Variants in NCOA2 observed in about 807,000 individuals in gnomAD.
NCOA2 encodes nuclear receptor coactivator 2.
In NCOA2, 21 loss-of-function variants were observed where a neutral mutation model predicts 145.1. That is an observed-to-expected ratio of 0.14 (90% confidence interval 0.10 to 0.21). The LOEUF is 0.21. Among genes scored for constraint, NCOA2 ranks in the 10% least tolerant of loss-of-function variants. NCOA2 has a pLI of 1.00. For missense variants in NCOA2, 1,472 were observed against 1,837.6 expected, an observed-to-expected ratio of 0.80 and a Z score of 3.64; for synonymous variants, 619 against 637.5, an observed-to-expected ratio of 0.97 and a Z score of 0.44.
At chr8:70,453,868 C>T in the NCOA2 span, among the ~76,000 whole-genome samples, 4 of 152,162 alleles carry the variant, frequency 2.6e-5, no homozygotes, top group Non-Finnish European at 4.4e-5. Flanking sequence ...CTTTAAACAA[C>T]ATATGAGCAT....
chr8:70,130,546 C>CTTAAT (rs60499366), intron 16 of NCOA2, among the ~76,000 whole-genome samples: 20,433 of 152,038 alleles, frequency 0.13, 2,406 homozygotes, highest in African/African-American at 0.32. Flanking sequence ...ATTTTCCTTT[C>CTTAAT]TTATTTCAGG....
the NCOA2 span, among the ~76,000 whole-genome samples, chr8:70,442,154 A>AGAAG: frequency 7.0e-6 from 1 of 142,866 alleles, no homozygotes; most frequent in African/African-American, 2.9e-5. Flanking sequence ...AAAGAAAGAA[A>AGAAG]GAAAGAAAGA....
At chr8:70,192,485 G>A (rs1340656220) in intron 4 of NCOA2, among the ~76,000 whole-genome samples, 1 of 152,218 alleles carries the variant, frequency 6.6e-6, no homozygotes, top group Admixed American at 6.5e-5. Context: ...GCATACACCT[G>A]TGACTGGACA....
chr8:70,368,255 G>C (rs115400858), intron 1 of NCOA2, among the ~76,000 whole-genome samples: 1 of 152,224 alleles, frequency 6.6e-6, no homozygotes, highest in Admixed American at 6.5e-5. Context: ...AGTGTCACAA[G>C]TGCTGGCTAG....
intron 2 of NCOA2, among the ~76,000 whole-genome samples, chr8:70,247,415 A>G (rs1822722362): frequency 6.6e-6 from 1 of 152,142 alleles, no homozygotes; most frequent in African/African-American, 2.4e-5. Context: ...TAAAAGTTAT[A>G]ATGATTTTTA....
chr8:70,222,039 A>G (rs188885875), intron 2 of NCOA2, among the ~76,000 whole-genome samples: 1 of 152,262 alleles, frequency 6.6e-6, no homozygotes, highest in East Asian at 1.9e-4. Context: ...TGGTTTTCAT[A>G]CAGTAAAATT....
chr8:70,197,586 G>A (rs1328588337), intron 4 of NCOA2, among the ~76,000 whole-genome samples: 1 of 152,190 alleles, frequency 6.6e-6, no homozygotes, highest in Admixed American at 6.5e-5. Context: ...GAACATAGAA[G>A]ATATCTGGCC....
intron 4 of NCOA2, among the ~76,000 whole-genome samples, chr8:70,175,276 A>T (rs1814700671): frequency 6.6e-6 from 1 of 152,230 alleles, no homozygotes; most frequent in African/African-American, 2.4e-5. Context: ...ACATTTGAAG[A>T]AGTAACAAGG....
At chr8:70,247,136 C>G (rs1822698022) in intron 2 of NCOA2, among the ~76,000 whole-genome samples, 1 of 152,106 alleles carries the variant, frequency 6.6e-6, no homozygotes, top group African/African-American at 2.4e-5. Flanking sequence ...TACTAATTCT[C>G]TTTAAGTCAC....
At chr8:70,316,384 C>T (rs561595101) in intron 1 of NCOA2, among the ~76,000 whole-genome samples, 1 of 152,298 alleles carries the variant, frequency 6.6e-6, no homozygotes, top group South Asian at 2.1e-4. Context: ...TCCAAGAAGC[C>T]AGACACCTTC....
In NCOA2 at chr8:70,130,304, T is replaced by C. The variant is rs550759285; in HGVS notation, c.3325-1324A>G. 3.3e-5 allele frequency among the ~76,000 whole-genome samples: 5 copies of C among 152,340 alleles called. No individual in the cohort carries two copies. In the East Asian group the frequency reaches 9.6e-4, roughly 29 times the overall value. The stretch of plus-strand genomic sequence containing the variant: ...CAGTTTCATGACAATATTATAATGA[T>C]GGTGGATTTGATGAGACAAAATAGA... On this transcript the variant is annotated intron_variant, in intron 16 of 22. Transcript: ENST00000452400.
At chr8:70,321,792 C>CT (rs1563762022) in intron 1 of NCOA2, among the ~76,000 whole-genome samples, 6 of 97,524 alleles carry the variant, frequency 6.2e-5, no homozygotes, top group African/African-American at 8.6e-5. Flanking sequence ...TCAGAATATA[C>CT]CTTTTTTTTT....
At chr8:70,199,523 ATGGGAAGAAGAGC>A (rs1817677349) in intron 4 of NCOA2, among the ~76,000 whole-genome samples, 1 of 151,768 alleles carries the variant, frequency 6.6e-6, no homozygotes, top group African/African-American at 2.4e-5. Flanking sequence ...AGGCAGGCAG[ATGGGAAGAAGAGC>A]TGCCACCTCT....
At chr8:70,120,212 G>A (rs1298147152) in intron 22 of NCOA2, among the ~76,000 whole-genome samples, 1 of 152,150 alleles carries the variant, frequency 6.6e-6, no homozygotes, top group Non-Finnish European at 1.5e-5. Flanking sequence ...TTAACAGGTT[G>A]TATGGGATAG....
At chr8:70,412,731 A>T in the NCOA2 span, among the ~76,000 whole-genome samples, 8 of 151,708 alleles carry the variant, frequency 5.3e-5, no homozygotes, top group Non-Finnish European at 2.9e-5. Flanking sequence ...TATTGCTAGT[A>T]TGTAAAAATT....
chr8:70,127,386 G>T (rs1177937650), intron 18 of NCOA2, among the ~76,000 whole-genome samples: 1 of 152,194 alleles, frequency 6.6e-6, no homozygotes, highest in Non-Finnish European at 1.5e-5. Flanking sequence ...AAACCCTGAG[G>T]ATGGTAGTTT....
At chr8:70,395,648 A>G (rs1435407519) in intron 1 of NCOA2, among the ~76,000 whole-genome samples, 1 of 152,038 alleles carries the variant, frequency 6.6e-6, no homozygotes, top group Admixed American at 6.5e-5. Context: ...GACAAATGCT[A>G]CTACAATACC....
the NCOA2 span, among the ~76,000 whole-genome samples, chr8:70,436,839 G>C: frequency 6.6e-6 from 1 of 152,154 alleles, no homozygotes; most frequent in Non-Finnish European, 1.5e-5. Context: ...GACGACACAG[G>C]TATGACCACC....
chr8:70,267,882 C>T (rs1261043898), intron 2 of NCOA2, among the ~76,000 whole-genome samples: 1 of 152,140 alleles, frequency 6.6e-6, no homozygotes, highest in Non-Finnish European at 1.5e-5. Context: ...GAGAAATTAA[C>T]AAAATTGCTA....
Sources: gnomAD v4.1 joint callset for allele counts (sites outside exome capture counted in the v4.1 genomes callset) on GRCh38, gnomAD v4.1.1 for gene constraint, MANE v1.5 for transcripts, NCBI Gene and HGNC (gene_info 2026-07-23, HGNC 2026-07-21) for gene names.